Variants in FAM177A1 observed in about 807,000 individuals in gnomAD.
FAM177A1 encodes the protein family with sequence similarity 177 member A1, also known as protein FAM177A1.
Under a neutral mutation model 26.1 loss-of-function variants are expected in FAM177A1, and 22 were observed. That is an observed-to-expected ratio of 0.84 (90% confidence interval 0.60 to 1.20). The LOEUF (loss-of-function observed/expected upper bound fraction) is 1.20. Among genes scored for constraint, FAM177A1 ranks in the 50% most tolerant of loss-of-function variants. FAM177A1 has a pLI of 0.00. For missense variants in FAM177A1, 296 were observed against 291.1 expected (o/e 1.02, Z -0.12); for synonymous variants, 95 against 99.3 (o/e 0.96, Z 0.26).
rs572739165 is a variant in FAM177A1 at position 35,083,249 on chromosome 14, G to C, written c.*2021G>C. 6.5e-6 allele frequency: 1 copy of C among 152,690 alleles called. No individual in the cohort carries two copies. The highest frequency in any genetic ancestry group is 1.9e-4 in the East Asian group (1 of 5,190). The allele number at this position is 152,690 out of a possible 1,614,324, so 9.5% of individuals were successfully genotyped here. A position where few individuals can be genotyped will look rare whatever the true frequency, so the allele number is the denominator to read the frequency against. Reference sequence around the variant, plus strand: ...CAAAAGGAAGTAGTGACTTATGAAGGTTTTGTTTCTTGAATTTTACTTTTG... The same window carrying C: ...CAAAAGGAAGTAGTGACTTATGAAGCTTTTGTTTCTTGAATTTTACTTTTG... On this transcript the variant is annotated 3_prime_UTR_variant, in exon 5 of 5. Coordinates refer to ENST00000280987, the MANE Select transcript of FAM177A1 (RefSeq NM_173607.5).
chr14:35,054,868 C>G (rs1312206225), intron 2 of FAM177A1: 1 of 151,566 alleles, frequency 6.6e-6, no homozygotes, highest in African/African-American at 2.4e-5. Flanking sequence ...TCCCAGCTAC[C>G]CAGGAGGCTG....
At chr14:35,059,355 A>T (rs1299474659) in intron 2 of FAM177A1, among the ~76,000 whole-genome samples, 2 of 152,018 alleles carry the variant, frequency 1.3e-5, no homozygotes, top group Non-Finnish European at 2.9e-5. Flanking sequence ...TTTTAATCCA[A>T]TCTAACAATC....
intron 2 of FAM177A1, among the ~76,000 whole-genome samples, chr14:35,068,931 ATAATAATGGCAT>A (rs1255579628): frequency 6.6e-6 from 1 of 152,210 alleles, no homozygotes; most frequent in Non-Finnish European, 1.5e-5. Flanking sequence ...ACCCACTTCC[ATAATAATGGCAT>A]TAATCCATTC....
At chr14:35,079,053 T>A in intron 4 of FAM177A1, 29 bp downstream of exon 4, 1 of 1,534,642 alleles carries the variant, frequency 6.5e-7, no homozygotes, top group South Asian at 1.3e-5. Flanking sequence ...TTTTCTTGAT[T>A]CAGTTTGGTT....
chr14:35,056,944 T>C (rs2045071403), intron 2 of FAM177A1, among the ~76,000 whole-genome samples: 1 of 152,182 alleles, frequency 6.6e-6, no homozygotes, highest in Admixed American at 6.6e-5. Flanking sequence ...GGGCATTTAC[T>C]CTTTCTTTTT....
At chr14:35,067,325 C>T (rs2045255402) in intron 2 of FAM177A1, among the ~76,000 whole-genome samples, 1 of 152,160 alleles carries the variant, frequency 6.6e-6, no homozygotes, top group South Asian at 2.1e-4. Context: ...GCATAATGTC[C>T]TCCAGGTTCA....
intron 2 of FAM177A1, among the ~76,000 whole-genome samples, chr14:35,060,321 T>TA (rs1220742875): frequency 6.6e-6 from 1 of 152,186 alleles, no homozygotes; most frequent in Non-Finnish European, 1.5e-5. Flanking sequence ...TCTTTTTTGA[T>TA]ACTCTCTGCT....
At position 35,077,703 on chromosome 14, in the gene FAM177A1, C is replaced by T. The variant is rs553163238; in HGVS notation, c.406+487C>T. Among the ~76,000 whole-genome samples the T allele has an allele frequency of 6.6e-5, 10 of 150,730 alleles. No homozygotes were observed. The South Asian group carries it at 2.1e-3, about 32-fold the overall frequency. ...TTCACCTTGTTGGCCAGGATGGTCT[C>T]GATCTCCTGACCTCATGATCCACCC... On this transcript the variant is annotated intron_variant, in intron 3 of 4. Coordinates refer to ENST00000280987, the MANE Select transcript of FAM177A1 (RefSeq NM_173607.5).
rs2045481543 is a variant in FAM177A1, at chr14:35,081,355, G to C, written c.*127G>C. On this transcript the variant is annotated 3_prime_UTR_variant, in exon 5 of 5. Transcript: ENST00000280987. ...TTAAATTATTAAAGTATCTGGAAAG[G>C]GAAAATGTTTTCTTCATTTTTAGGA... 1 of 966,694 alleles carries C rather than the reference G, an allele frequency of 1.0e-6. No homozygotes were observed. The highest frequency in any genetic ancestry group is 2.9e-5 in the East Asian group (1 of 34,716). The allele number at this position is 966,694 out of a possible 1,614,324, so 59.9% of individuals were successfully genotyped here. A position where few individuals can be genotyped will look rare whatever the true frequency, so the allele number is the denominator to read the frequency against.
intron 2 of FAM177A1, among the ~76,000 whole-genome samples, chr14:35,069,608 T>G (rs1350374488): frequency 6.6e-6 from 1 of 151,970 alleles, no homozygotes; most frequent in Admixed American, 6.6e-5. Context: ...TTTTAACAAC[T>G]GAAGATAAAC....
chr14:35,077,978 C>T (rs1381948024), intron 3 of FAM177A1, among the ~76,000 whole-genome samples: 5 of 152,260 alleles, frequency 3.3e-5, no homozygotes, highest in East Asian at 3.9e-4. Flanking sequence ...GAATTATCAA[C>T]TTATAACTTA....
intron 2 of FAM177A1, 67 bp from the exon 3 acceptor site, chr14:35,077,083 T>A (rs967494588): frequency 2.3e-6 from 3 of 1,295,882 alleles, no homozygotes; most frequent in South Asian, 2.4e-5. Context: ...TTTGACTACT[T>A]CATTCTGGCC....
chr14:35,062,585 A>G (rs2045175229), intron 2 of FAM177A1, among the ~76,000 whole-genome samples: 1 of 152,118 alleles, frequency 6.6e-6, no homozygotes, highest in African/African-American at 2.4e-5. Flanking sequence ...TGCCTCACCT[A>G]CCTGTAGTTG....
chr14:35,081,285 T>G lies in FAM177A1; in HGVS notation c.*57T>G. 4 of 1,495,562 alleles carry G rather than the reference T, an allele frequency of 2.7e-6. No individual in the cohort carries two copies. The highest frequency in any genetic ancestry group is 3.6e-6 in the Non-Finnish European group (4 of 1,110,152). The allele number at this position is 1,495,562 out of a possible 1,614,324, so 92.6% of individuals were successfully genotyped here. A position where few individuals can be genotyped will look rare whatever the true frequency, so the allele number is the denominator to read the frequency against. On this transcript the variant is annotated 3_prime_UTR_variant, in exon 5 of 5. Transcript: ENST00000280987. ...AGTTTTTTTTTTTTAATACAAAAAC[T>G]TTCACATTCTTTATTCAGTGGGACT...
chr14:35,068,783 G>T (rs1254530980), intron 2 of FAM177A1, among the ~76,000 whole-genome samples: 1 of 152,208 alleles, frequency 6.6e-6, no homozygotes, highest in Non-Finnish European at 1.5e-5. Flanking sequence ...GCTTACAGTT[G>T]TGGAGGCTGG....
At chr14:35,049,021 G>A (rs2044921249) in intron 1 of FAM177A1, among the ~76,000 whole-genome samples, 2 of 151,900 alleles carry the variant, frequency 1.3e-5, no homozygotes, top group Admixed American at 6.6e-5. Context: ...CTCCTGAGTA[G>A]CTAGGACTAC....
chr14:35,079,826 T>C (rs2045452106), intron 4 of FAM177A1, among the ~76,000 whole-genome samples: 1 of 152,156 alleles, frequency 6.6e-6, no homozygotes, highest in African/African-American at 2.4e-5. Flanking sequence ...GGCATGAAGG[T>C]ACATTGTTAT....
chr14:35,051,892 T>A (rs532347221), intron 1 of FAM177A1, among the ~76,000 whole-genome samples: 1 of 152,230 alleles, frequency 6.6e-6, no homozygotes, highest in Admixed American at 6.5e-5. Context: ...GTTCACTGTT[T>A]TTATCAGTAT....
At chr14:35,079,161 ATTTCT>A in intron 4 of FAM177A1, 137 bp downstream of exon 4, 1 of 608,380 alleles carries the variant, frequency 1.6e-6, no homozygotes, top group Non-Finnish European at 2.7e-6. Flanking sequence ...AGAATCATTA[ATTTCT>A]TTTATCAAAG....
Sources: gnomAD v4.1 joint callset for allele counts (sites outside exome capture counted in the v4.1 genomes callset) on GRCh38, gnomAD v4.1.1 for gene constraint, MANE v1.5 for transcripts, NCBI Gene and HGNC (gene_info 2026-07-23, HGNC 2026-07-21) for gene names.